Variants in SELENOF observed in about 807,000 individuals in gnomAD.
SELENOF encodes 15 kDa selenoprotein.
A neutral mutation model predicts 20.5 loss-of-function variants in SELENOF; 16 were observed. That is an observed-to-expected ratio of 0.78 (90% confidence interval 0.53 to 1.19). The LOEUF (loss-of-function observed/expected upper bound fraction) is 1.19. Among genes scored for constraint, SELENOF ranks in the 50% most tolerant of loss-of-function variants. SELENOF has a pLI of 0.00. For synonymous variants in SELENOF, 78 were observed against 74.5 expected, an observed-to-expected ratio of 1.05 and a Z score of -0.24; for missense variants, 215 against 194.2, an observed-to-expected ratio of 1.11 and a Z score of -0.64.
intron 1 of SELENOF, among the ~76,000 whole-genome samples, chr1:86,905,598 C>T (rs1659808532): frequency 1.3e-5 from 2 of 152,158 alleles, no homozygotes. Flanking sequence ...ATACTATGAA[C>T]TCTTCTGAAG....
At chr1:86,907,060 A>G (rs561534533) in intron 1 of SELENOF, among the ~76,000 whole-genome samples, 51 of 152,392 alleles carry the variant, frequency 3.3e-4, no homozygotes, top group Middle Eastern at 3.4e-3. Context: ...ACTGACAGGT[A>G]GCATGACTAT....
At chr1:86,902,910 C>T (rs188692001) in intron 2 of SELENOF, among the ~76,000 whole-genome samples, 2 of 152,320 alleles carry the variant, frequency 1.3e-5, no homozygotes, top group East Asian at 3.9e-4. Context: ...GTATTATGTG[C>T]TTTACTTTCA....
intron 3 of SELENOF, among the ~76,000 whole-genome samples, chr1:86,873,488 A>G (rs1443545729): frequency 6.6e-6 from 1 of 152,198 alleles, no homozygotes. Flanking sequence ...TCTTTTTGGT[A>G]TGGTGGTTAC....
chr1:86,901,989 G>A (rs1659715249), intron 2 of SELENOF, among the ~76,000 whole-genome samples: 1 of 152,110 alleles, frequency 6.6e-6, no homozygotes, highest in African/African-American at 2.4e-5. Flanking sequence ...GATGTTGGTT[G>A]AGTAGTAGTA....
At chr1:86,866,252 G>GTGTC in intron 4 of SELENOF, among the ~76,000 whole-genome samples, 1 of 148,060 alleles carries the variant, frequency 6.8e-6, no homozygotes, top group Non-Finnish European at 1.5e-5. Flanking sequence ...GTGTGTGTGT[G>GTGTC]TGTGTGTGTG....
chr1:86,865,805 G>C (rs1207973744), intron 4 of SELENOF, among the ~76,000 whole-genome samples: 1 of 152,140 alleles, frequency 6.6e-6, no homozygotes. Context: ...AAAGGGCCTT[G>C]AAGAGGTATT....
chr1:86,895,848 T>A (rs1659508077), intron 2 of SELENOF, among the ~76,000 whole-genome samples: 1 of 152,086 alleles, frequency 6.6e-6, no homozygotes, highest in African/African-American at 2.4e-5. Flanking sequence ...ACCAATTATA[T>A]CAAAATATTT....
intron 3 of SELENOF, among the ~76,000 whole-genome samples, chr1:86,872,080 T>C (rs539365727): frequency 3.3e-5 from 5 of 152,230 alleles, no homozygotes; most frequent in Non-Finnish European, 7.3e-5. Context: ...TTTATTTTTG[T>C]ATTTTTAAAT....
chr1:86,863,714 G>A (rs989726731), intron 4 of SELENOF, 109 bp from the exon 5 acceptor site: 16 of 931,128 alleles, frequency 1.7e-5, no homozygotes, highest in Non-Finnish European at 2.3e-5. Context: ...TTAAAAAAAG[G>A]CTTTTAGACA....
chr1:86,894,933 A>G (rs1659481706), intron 2 of SELENOF, among the ~76,000 whole-genome samples: 1 of 152,218 alleles, frequency 6.6e-6, no homozygotes, highest in African/African-American at 2.4e-5. Context: ...TTTTATTAGC[A>G]CAACCTTTTT....
chr1:86,871,595 T>C (rs1216809473), intron 3 of SELENOF, among the ~76,000 whole-genome samples: 1 of 152,208 alleles, frequency 6.6e-6, no homozygotes, highest in African/African-American at 2.4e-5. Flanking sequence ...TGGTGGATCT[T>C]CAGCCAGTCA....
At chr1:86,912,762 G>A (rs944020494) in intron 1 of SELENOF, among the ~76,000 whole-genome samples, 2 of 152,146 alleles carry the variant, frequency 1.3e-5, no homozygotes, top group Non-Finnish European at 2.9e-5. Flanking sequence ...TCAACAAAAA[G>A]CATAAATGAG....
chr1:86,900,458 C>G lies in SELENOF; in HGVS notation c.252+2823G>C, dbSNP rs545771765. Among the ~76,000 whole-genome samples, 368 of 152,320 alleles carry G rather than the reference C, an allele frequency of 2.4e-3. 1 individual carries two copies. The highest frequency in any genetic ancestry group is 4.4e-3 in the Non-Finnish European group (298 of 68,034). On this transcript the variant is annotated intron_variant, in intron 2 of 4. Transcript: ENST00000331835. ...CGAAAACCAGTCAGGCGTGGCGGCACGCGCCTGCAATCGCAGGCACTCGGC... is the reference window on the plus strand; with the variant it reads ...CGAAAACCAGTCAGGCGTGGCGGCAGGCGCCTGCAATCGCAGGCACTCGGC...
rs140998471 is a variant in SELENOF, at chr1:86,865,212, CCAAACAAACAAA to C, written c.367-1619_367-1608del. Among the ~76,000 whole-genome samples the C allele has an allele frequency of 1.5e-4, 22 of 151,216 alleles. 1 individual carries two copies. Among genetic ancestry groups the C allele is most frequent in the African/African-American group, 1.9e-4 (8 of 41,080 alleles). ...CAAAGAACTCTTAAAGCTCAGCTTA[CCAAACAAACAAA>C]CAAACAAACAAACAAAAAACCTCAA... is the stretch of plus-strand genomic sequence containing the variant. On this transcript the variant is annotated intron_variant, in intron 4 of 4. Transcript: ENST00000331835.
chr1:86,866,456 G>GT (rs1182858896), intron 4 of SELENOF, among the ~76,000 whole-genome samples: 1 of 150,984 alleles, frequency 6.6e-6, no homozygotes, highest in Non-Finnish European at 1.5e-5. Context: ...GAGGGCGGGG[G>GT]TGGTGGTGGG....
At position 86,882,024 on chromosome 1, in the gene SELENOF, G is replaced by C. The variant is rs147175171; in HGVS notation, c.253-1299C>G. Among the ~76,000 whole-genome samples the C allele has an allele frequency of 2.8e-3, 422 of 152,144 alleles. 1 individual carries two copies. Among genetic ancestry groups the C allele is most frequent in the African/African-American group, 9.9e-3 (409 of 41,518 alleles). ...TGAGGTGGGCGGATCACGAGGTCAA[G>C]AGATAGAGACCATCCTGGCCAACAT... On this transcript the variant is annotated intron_variant, in intron 2 of 4. Transcript: ENST00000331835.
chr1:86,880,225 T>C (rs1008204510), intron 3 of SELENOF, among the ~76,000 whole-genome samples: 5 of 151,872 alleles, frequency 3.3e-5, no homozygotes, highest in Non-Finnish European at 7.4e-5. Flanking sequence ...AACCTCTGCC[T>C]CCCGGGTTCA....
intron 3 of SELENOF, among the ~76,000 whole-genome samples, chr1:86,879,108 C>T (rs1264277467): frequency 6.6e-6 from 1 of 152,106 alleles, no homozygotes; most frequent in Non-Finnish European, 1.5e-5. Context: ...ATCTAAGCTA[C>T]TCTTGATTCT....
chr1:86,881,021 T>C (rs919564782), intron 2 of SELENOF, among the ~76,000 whole-genome samples: 1 of 152,166 alleles, frequency 6.6e-6, no homozygotes, highest in Non-Finnish European at 1.5e-5. Context: ...ATAGGTAAGA[T>C]GTCCTAGGAA....
Sources: allele counts gnomAD v4.1 joint callset (sites outside exome capture counted in the v4.1 genomes callset), GRCh38; gene constraint gnomAD v4.1.1; transcripts MANE v1.5; gene names NCBI Gene and HGNC (gene_info 2026-07-23, HGNC 2026-07-21).